The following EPS8L3 variants were observed in gnomAD, a reference collection of about 807,000 sequenced individuals.
EPS8L3 encodes the protein epidermal growth factor receptor kinase substrate 8-like protein 3.
In EPS8L3, 80 loss-of-function variants were observed where a neutral mutation model predicts 88.5. The ratio of observed to expected loss-of-function variants is 0.90; its 90% CI spans 0.75 to 1.09. The LOEUF (loss-of-function observed/expected upper bound fraction) is 1.09, where lower values mean the gene tolerates loss of function less well. EPS8L3 is among the 50% of genes least tolerant of loss of function. The pLI, the probability that EPS8L3 is intolerant of heterozygous loss-of-function variation, is 0.00. For synonymous variants in EPS8L3, 286 were observed against 291.0 expected, an observed-to-expected ratio of 0.98 and a Z score of 0.18; for missense variants, 721 against 735.2, an observed-to-expected ratio of 0.98 and a Z score of 0.22.
At chr1:109,750,473 A>C in intron 18 of EPS8L3, 71 bp from the exon 19 acceptor site, 1 of 1,604,034 alleles carries the variant, frequency 6.2e-7, no homozygotes, top group East Asian at 2.2e-5. Context: ...GCCACCAATA[A>C]GCTTGGAGCC....
chr1:109,757,310 T>A, intron 11 of EPS8L3, 145 bp from the exon 12 acceptor site: 1 of 1,159,248 alleles, frequency 8.6e-7, no homozygotes, highest in Admixed American at 2.6e-5. Flanking sequence ...TTGGGCCTGC[T>A]GCTCCTTCCT....
In EPS8L3 at chr1:109,759,393, C is replaced by G; in HGVS notation, c.256-6G>C. On this transcript the variant is annotated splice_region_variant and splice_polypyrimidine_tract_variant and intron_variant, in intron 4 of 18. Transcript: ENST00000361965. This position sits in a 1 kb window ranked among gnomAD's most constrained non-coding sequence, Gnocchi z 4.2. ...CGGTAAGAGTCCAGCTCCTCCTGGG[C>G]CAGGTGGAGAGGTCAACTGTGAGGC... 1 of 1,612,750 alleles carries G rather than the reference C, an allele frequency of 6.2e-7. No individual in the cohort carries two copies. The highest frequency in any genetic ancestry group is 8.5e-7 in the Non-Finnish European group (1 of 1,179,316).
In EPS8L3 at chr1:109,759,120, G is replaced by C. The variant is rs1368821000; in HGVS notation, c.406-3C>G. ...AGGCTGGTCTTCAGTCGCTCTGCCT[G>C]GGAAGCAGCAGTCAGGCAGGCTAAG... is the stretch of plus-strand genomic sequence containing the variant. On this transcript the variant is annotated splice_region_variant and splice_polypyrimidine_tract_variant and intron_variant, in intron 5 of 18. Coordinates refer to ENST00000361965, the MANE Select transcript of EPS8L3 (RefSeq NM_133181.4). This position sits in a 1 kb window ranked among gnomAD's most constrained non-coding sequence, Gnocchi z 4.2. The C allele has an allele frequency of 6.2e-7, 1 of 1,612,008 alleles. No homozygotes were observed. The highest frequency in any genetic ancestry group is 2.2e-5 in the East Asian group (1 of 44,814).
chr1:109,759,480 C>A lies in EPS8L3; in HGVS notation c.256-93G>T. ...CAGCTCATCCTAGCCCTTTGGTGGC[C>A]TAGGGCTGAGGTGTCATCTACCTGA... is the stretch of plus-strand genomic sequence containing the variant. On this transcript the variant is annotated intron_variant, in intron 4 of 18. Coordinates refer to ENST00000361965, the MANE Select transcript of EPS8L3 (RefSeq NM_133181.4). This position sits in a 1 kb window ranked among gnomAD's most constrained non-coding sequence, Gnocchi z 4.2. 2.6e-6 allele frequency: 4 copies of A among 1,560,000 alleles called. No individual in the cohort carries two copies. Among genetic ancestry groups the A allele is most frequent in the South Asian group, 1.2e-5 (1 of 80,924 alleles).
intron 12 of EPS8L3, among the ~76,000 whole-genome samples, chr1:109,755,859 G>T (rs1650239740): frequency 6.6e-6 from 1 of 152,220 alleles, no homozygotes; most frequent in South Asian, 2.1e-4. Flanking sequence ...ATAACTCCAA[G>T]AAAAGACTCA....
rs143990814 is a variant in EPS8L3, at chr1:109,757,081, A to T, written c.1054T>A (p.Ser352Thr). The T allele has an allele frequency of 4.3e-6, 7 of 1,614,106 alleles. No individual in the cohort carries two copies. Among genetic ancestry groups the T allele is most frequent in the Admixed American group, 3.3e-5 (2 of 60,024 alleles). The stretch of plus-strand genomic sequence containing the variant: ...TTACTCTCAGGTGGGCTTAGACAGG[A>T]CTGTAGCAGGTTGATAGCTTTAGGG... ...LTPKAINLLQ[S>T]CLSPPESNLW... Residue 352 changes from serine (S) to threonine (T), a missense_variant, in exon 12 of 19, where the codon TCC becomes ACC. Coordinates refer to ENST00000361965, the MANE Select transcript of EPS8L3 (RefSeq NM_133181.4).
chr1:109,751,813 G>T (rs753409796), intron 15 of EPS8L3, 31 bp from the exon 16 acceptor site: 1 of 1,610,690 alleles, frequency 6.2e-7, no homozygotes, highest in East Asian at 2.2e-5. Context: ...AGTCCCCTGA[G>T]CCTCTTTCCA....
intron 7 of EPS8L3, 35 bp downstream of exon 7, chr1:109,758,489 C>T (rs1017274231): frequency 1.3e-6 from 2 of 1,562,136 alleles, no homozygotes; most frequent in Non-Finnish European, 1.7e-6. Flanking sequence ...TCATCGAAAC[C>T]CTCTCCTTCA....
Position 109,755,365 on chromosome 1 carries a change from A to C in EPS8L3, c.1118+1652T>G, listed in dbSNP as rs561298930. 3.3e-5 allele frequency among the ~76,000 whole-genome samples: 5 copies of C among 152,338 alleles called. No homozygotes were observed. The East Asian group carries it at 9.6e-4, about 29-fold the overall frequency. On this transcript the variant is annotated intron_variant, in intron 12 of 18. Coordinates refer to ENST00000361965, the MANE Select transcript of EPS8L3 (RefSeq NM_133181.4). ...TTAATGAACGTATTGCCACTGAATT[A>C]TACACTTAAAACGGTTAAAATGATA...
intron 12 of EPS8L3, among the ~76,000 whole-genome samples, chr1:109,753,895 T>C (rs1188553009): frequency 6.6e-6 from 1 of 152,226 alleles, no homozygotes; most frequent in African/African-American, 2.4e-5. Context: ...TCCCTAGGTA[T>C]TGCTCTTCTC....
intron 12 of EPS8L3, among the ~76,000 whole-genome samples, chr1:109,756,308 A>G (rs1052107676): frequency 3.9e-5 from 6 of 152,324 alleles, no homozygotes; most frequent in African/African-American, 1.4e-4. Flanking sequence ...GGGCGATCTC[A>G]GCTCACTACA....
rs138076040 is a variant in EPS8L3, at chr1:109,759,747, C to T, written c.186G>A (p.Arg62=). The change falls in exon 4 of 19, where the codon CGG becomes CGA. Residue 62 remains arginine, a synonymous_variant. Transcript: ENST00000361965. This position sits in a 1 kb window ranked among gnomAD's most constrained non-coding sequence, Gnocchi z 4.2. The part of the protein sequence containing the change: ...QKLFEMDAQG[R]VWSQDLILQV... The stretch of plus-strand genomic sequence containing the variant: ...GCAGGATCAAGTCTTGGCTCCACAC[C>T]CGGCCCTGTGCATCCATCTCGAACA... 1.9e-5 allele frequency: 30 copies of T among 1,614,074 alleles called. No homozygotes were observed. The African/African-American group carries it at 4.0e-4, about 22-fold the overall frequency.
At chr1:109,752,214 G>T (rs775174252) in intron 14 of EPS8L3, 21 bp from the exon 15 acceptor site, 39 of 1,599,868 alleles carry the variant, frequency 2.4e-5, no homozygotes, top group Non-Finnish European at 2.9e-5. Flanking sequence ...GAGTCAGGAT[G>T]GCTGGAGAAT....
chr1:109,758,718 C>G lies in EPS8L3; in HGVS notation c.462-55G>C, dbSNP rs186606551. 10 of 1,514,490 alleles carry G rather than the reference C, an allele frequency of 6.6e-6. No homozygotes were observed. In the South Asian group the frequency reaches 1.3e-4, roughly 20 times the overall value. The allele number at this position is 1,514,490 out of a possible 1,614,324, so 93.8% of individuals were successfully genotyped here. A position where few individuals can be genotyped will look rare whatever the true frequency, so the allele number is the denominator to read the frequency against. On this transcript the variant is annotated intron_variant, in intron 6 of 18. Coordinates refer to ENST00000361965, the MANE Select transcript of EPS8L3 (RefSeq NM_133181.4). The stretch of plus-strand genomic sequence containing the variant: ...TTGACAAGGTTCTTTGGAGAGAGGC[C>G]CTCCCCACAATTCTGCTCCAGGACC...
intron 17 of EPS8L3, 122 bp from the exon 18 acceptor site, chr1:109,750,914 G>T: frequency 8.5e-7 from 1 of 1,170,744 alleles, no homozygotes; most frequent in Non-Finnish European, 1.2e-6. Flanking sequence ...TCATGGAGTA[G>T]GCTATCTGAG....
Position 109,759,397 on chromosome 1 carries a change from G to A in EPS8L3, c.256-10C>T, listed in dbSNP as rs756341294. 6.2e-7 allele frequency: 1 copy of A among 1,612,768 alleles called. No individual in the cohort carries two copies. The highest frequency in any genetic ancestry group is 8.5e-7 in the Non-Finnish European group (1 of 1,179,284). ...AAGAGTCCAGCTCCTCCTGGGCCAG[G>A]TGGAGAGGTCAACTGTGAGGCCACC... On this transcript the variant is annotated splice_polypyrimidine_tract_variant and intron_variant, in intron 4 of 18. Coordinates refer to ENST00000361965, the MANE Select transcript of EPS8L3 (RefSeq NM_133181.4). This position sits in a 1 kb window ranked among gnomAD's most constrained non-coding sequence, Gnocchi z 4.2.
At position 109,750,316 on chromosome 1, in the gene EPS8L3, C is replaced by T. The variant is rs1433378157; in HGVS notation, c.*75G>A. ...AACTGGGATCCAGAAGAGGAATTCTCGGGGCTCTAATGGGTATCAGATCTG... is the reference window on the plus strand; with the variant it reads ...AACTGGGATCCAGAAGAGGAATTCTTGGGGCTCTAATGGGTATCAGATCTG... On this transcript the variant is annotated 3_prime_UTR_variant, in exon 19 of 19. Coordinates refer to ENST00000361965, the MANE Select transcript of EPS8L3 (RefSeq NM_133181.4). The T allele has an allele frequency of 1.6e-5, 25 of 1,573,808 alleles. No homozygotes were observed. Among genetic ancestry groups the T allele is most frequent in the Middle Eastern group, 1.7e-4 (1 of 5,812 alleles).
At position 109,757,876 on chromosome 1, in the gene EPS8L3, G is replaced by A. The variant is rs758729050; in HGVS notation, c.833-13C>T. ...GCCTGGGTGAGACCTGGGAGAAGGG[G>A]CCAAGACGGTGGGCCAGAGATCACC... On this transcript the variant is annotated splice_polypyrimidine_tract_variant and intron_variant, in intron 9 of 18. Transcript: ENST00000361965. 1.2e-6 allele frequency: 2 copies of A among 1,614,062 alleles called. No homozygotes were observed. Among genetic ancestry groups the A allele is most frequent in the Admixed American group, 1.7e-5 (1 of 60,016 alleles).
At chr1:109,757,902 C>T (rs1650450768) in intron 9 of EPS8L3, 39 bp from the exon 10 acceptor site, 2 of 1,613,550 alleles carry the variant, frequency 1.2e-6, no homozygotes, top group Admixed American at 3.3e-5. Flanking sequence ...AGAGATCACC[C>T]TGAGACACCC....
Sources: allele counts gnomAD v4.1 joint callset (sites outside exome capture counted in the v4.1 genomes callset), GRCh38; gene constraint gnomAD v4.1.1; non-coding constraint Gnocchi (gnomAD v3.1); transcripts MANE v1.5; gene names NCBI Gene and HGNC (gene_info 2026-07-23, HGNC 2026-07-21).